Variants in HHAT observed in about 807,000 individuals in gnomAD.
HHAT encodes the protein hedgehog acyltransferase.
A neutral mutation model predicts 70.8 loss-of-function variants in HHAT; 47 were observed. That is an observed-to-expected ratio of 0.66 (90% CI 0.53 to 0.85). HHAT has a LOEUF of 0.85. Among genes scored for constraint, HHAT ranks in the 40% least tolerant of loss-of-function variants. The pLI is 0.00. For missense variants in HHAT, 609 were observed against 604.8 expected, an observed-to-expected ratio of 1.01 and a Z score of -0.07; for synonymous variants, 228 against 247.6, an observed-to-expected ratio of 0.92 and a Z score of 0.74.
At chr1:210,537,946 G>A (rs993187913) in intron 9 of HHAT, among the ~76,000 whole-genome samples, 3 of 152,072 alleles carry the variant, frequency 2.0e-5, no homozygotes, top group Non-Finnish European at 4.4e-5. Context: ...TTTTATTGTT[G>A]TTATTGGTAA....
At chr1:210,582,336 C>T (rs1659441613) in intron 9 of HHAT, among the ~76,000 whole-genome samples, 3 of 152,090 alleles carry the variant, frequency 2.0e-5, no homozygotes, top group Non-Finnish European at 4.4e-5. Flanking sequence ...CTGCCCCAGC[C>T]CGGCCGAGGA....
At chr1:210,506,646 A>G (rs952318267) in intron 8 of HHAT, among the ~76,000 whole-genome samples, 1 of 152,164 alleles carries the variant, frequency 6.6e-6, no homozygotes, top group East Asian at 1.9e-4. Flanking sequence ...TTTGATCACT[A>G]TCTTATTTCA....
intron 10 of HHAT, among the ~76,000 whole-genome samples, chr1:210,622,667 C>T (rs994767422): frequency 6.6e-6 from 1 of 152,154 alleles, no homozygotes; most frequent in African/African-American, 2.4e-5. Context: ...ACGTGTGCTG[C>T]GGGTGAAGTG....
intron 7 of HHAT, among the ~76,000 whole-genome samples, chr1:210,461,297 C>T (rs1277159339): frequency 6.6e-6 from 1 of 152,098 alleles, no homozygotes; most frequent in Non-Finnish European, 1.5e-5. Flanking sequence ...ATGAGCCATG[C>T]ATTTTTCTTT....
intron 11 of HHAT, among the ~76,000 whole-genome samples, chr1:210,639,746 T>G (rs1228318415): frequency 6.6e-6 from 1 of 152,206 alleles, no homozygotes; most frequent in Non-Finnish European, 1.5e-5. Flanking sequence ...AAAACAACTT[T>G]CTTAATGAGA....
intron 5 of HHAT, among the ~76,000 whole-genome samples, chr1:210,403,966 G>T (rs2092209266): frequency 6.7e-6 from 1 of 148,388 alleles, no homozygotes. Flanking sequence ...TGTCTGTAAA[G>T]CTTATTAGAC....
intron 11 of HHAT, among the ~76,000 whole-genome samples, chr1:210,624,174 A>G (rs1229396759): frequency 6.6e-6 from 1 of 152,134 alleles, no homozygotes; most frequent in Non-Finnish European, 1.5e-5. Flanking sequence ...AAGAAGAGGA[A>G]GAAAGACCTG....
At chr1:210,484,246 T>A (rs542268608) in intron 8 of HHAT, among the ~76,000 whole-genome samples, 2 of 152,328 alleles carry the variant, frequency 1.3e-5, no homozygotes, top group African/African-American at 2.4e-5. Flanking sequence ...GTAGCCTTTT[T>A]TTGTCTTTTA....
At chr1:210,490,155 A>T (rs1016182618) in intron 8 of HHAT, among the ~76,000 whole-genome samples, 3 of 152,204 alleles carry the variant, frequency 2.0e-5, no homozygotes, top group African/African-American at 7.2e-5. Flanking sequence ...TTGCTCCCTG[A>T]TGTCTGATGA....
chr1:210,604,129 G>T (rs896255633), intron 10 of HHAT, among the ~76,000 whole-genome samples: 1 of 152,162 alleles, frequency 6.6e-6, no homozygotes, highest in African/African-American at 2.4e-5. Flanking sequence ...CACTAGCCTG[G>T]AGTGCAGTGG....
chr1:210,565,554 C>T (rs1228485013), intron 9 of HHAT, among the ~76,000 whole-genome samples: 1 of 151,962 alleles, frequency 6.6e-6, no homozygotes. Context: ...TCCATAATAC[C>T]AGAGGAACAC....
intron 9 of HHAT, among the ~76,000 whole-genome samples, chr1:210,552,038 C>T (rs1186518231): frequency 6.6e-6 from 1 of 152,160 alleles, no homozygotes; most frequent in Non-Finnish European, 1.5e-5. Flanking sequence ...ATCTATGACC[C>T]GCAGAGTGCT....
chr1:210,344,738 C>T (rs6696657), intron 1 of HHAT, among the ~76,000 whole-genome samples: 64,080 of 151,922 alleles, frequency 0.42, 13,925 homozygotes, highest in African/African-American at 0.48. Context: ...AGCCTGAAGT[C>T]GAGGTTCCAG....
chr1:210,661,728 A>G (rs554628306), intron 11 of HHAT, among the ~76,000 whole-genome samples: 1 of 152,374 alleles, frequency 6.6e-6, no homozygotes, highest in East Asian at 1.9e-4. Context: ...GCCATAAAAA[A>G]GGATGAGTTC....
intron 7 of HHAT, among the ~76,000 whole-genome samples, chr1:210,419,892 G>A (rs1376163825): frequency 1.3e-5 from 2 of 152,170 alleles, no homozygotes; most frequent in Admixed American, 6.5e-5. Flanking sequence ...TTCAGCTTGA[G>A]GGTTTTTAAA....
intron 1 of HHAT, among the ~76,000 whole-genome samples, chr1:210,344,587 T>C (rs2086340858): frequency 6.6e-6 from 1 of 152,132 alleles, no homozygotes; most frequent in Admixed American, 6.5e-5. Flanking sequence ...CCTCATAAAG[T>C]GGCTTAGCCA....
chr1:210,475,058 G>A (rs11582003), intron 8 of HHAT, among the ~76,000 whole-genome samples: 26,011 of 151,290 alleles, frequency 0.17, 2,429 homozygotes, highest in East Asian at 0.43. Flanking sequence ...ATGAGGTCTC[G>A]CTATGCTGCC....
At position 210,400,528 on chromosome 1, in the gene HHAT, C is replaced by A. The variant is rs2092012998; in HGVS notation, c.334C>A (p.Pro112Thr). 6.2e-7 allele frequency: 1 copy of A among 1,613,898 alleles called. No homozygotes were observed. Among genetic ancestry groups the A allele is most frequent in the African/African-American group, 1.3e-5 (1 of 74,862 alleles). Residue 112 changes from proline (P) to threonine (T), a missense_variant, in exon 5 of 12, where the codon CCT becomes ACT. By Grantham distance (38) the Pro-to-Thr change is conservative (BLOSUM62 -1). Transcript: ENST00000261458. ...GGCCTGCTGGTGTGTGCTGGGGACC[C>A]CTGGTGTGGCTATGGTTTTGCTCCA... is the stretch of plus-strand genomic sequence containing the variant. ...MWACWCVLGT[P>T]GVAMVLLHTT...
chr1:210,425,525 A>C (rs751645918), intron 7 of HHAT, among the ~76,000 whole-genome samples: 7 of 152,062 alleles, frequency 4.6e-5, no homozygotes, highest in Admixed American at 3.3e-4. Flanking sequence ...TGTATGTGCT[A>C]TAAAGAAGGG....
Sources: allele counts gnomAD v4.1 joint callset (sites outside exome capture counted in the v4.1 genomes callset), GRCh38; gene constraint gnomAD v4.1.1; transcripts MANE v1.5; gene names NCBI Gene and HGNC (gene_info 2026-07-23, HGNC 2026-07-21).